The following ADGRL3 variants were observed in gnomAD, a reference collection of about 807,000 sequenced individuals.
ADGRL3 encodes calcium-independent alpha-latrotoxin receptor 3.
In ADGRL3, 62 loss-of-function variants were observed where a neutral mutation model predicts 153.5. The observed-to-expected ratio is 0.40, with a 90% confidence interval of 0.33 to 0.50. The LOEUF (loss-of-function observed/expected upper bound fraction) is 0.50. Ranked by LOEUF, ADGRL3 falls within the 20% of genes least tolerant of loss-of-function variation. The pLI, the probability that ADGRL3 is intolerant of heterozygous loss-of-function variation, is 0.47. For synonymous variants in ADGRL3, 710 were observed against 672.5 expected, an observed-to-expected ratio of 1.06 and a Z score of -0.86; for missense variants, 1,641 against 1,859.4, an observed-to-expected ratio of 0.88 and a Z score of 2.16.
At chr4:61,318,611 G>C (rs2095286719) in intron 1 of ADGRL3, among the ~76,000 whole-genome samples, 1 of 152,114 alleles carries the variant, frequency 6.6e-6, no homozygotes, top group Admixed American at 6.6e-5. Flanking sequence ...CTCTGTGCTA[G>C]AGCCTTAACC....
intron 2 of ADGRL3, among the ~76,000 whole-genome samples, chr4:61,480,745 T>C (rs1460544971): frequency 6.6e-6 from 1 of 152,180 alleles, no homozygotes; most frequent in East Asian, 1.9e-4. Context: ...ATCATGCCAC[T>C]GCACTCCAGC....
intron 5 of ADGRL3, among the ~76,000 whole-genome samples, chr4:61,636,161 C>T (rs1238765689): frequency 1.3e-5 from 2 of 152,096 alleles, no homozygotes; most frequent in Non-Finnish European, 1.5e-5. Flanking sequence ...AAATGATATA[C>T]TTTTTGCTGT....
At chr4:61,388,538 A>C (rs2096766957) in intron 2 of ADGRL3, among the ~76,000 whole-genome samples, 1 of 152,194 alleles carries the variant, frequency 6.6e-6, no homozygotes, top group Non-Finnish European at 1.5e-5. Context: ...GTAGTTCTTT[A>C]ATCCTCTATC....
chr4:61,326,219 T>G (rs1324325330), intron 1 of ADGRL3, among the ~76,000 whole-genome samples: 1 of 152,146 alleles, frequency 6.6e-6, no homozygotes, highest in Non-Finnish European at 1.5e-5. Flanking sequence ...TAGTTACTAT[T>G]TACTAGGTGC....
chr4:61,909,108 A>G lies in ADGRL3; in HGVS notation c.1888-452A>G, dbSNP rs376982999. Among the ~76,000 whole-genome samples, 122 of 152,280 alleles carry G rather than the reference A, an allele frequency of 8.0e-4. 1 individual carries two copies. The highest frequency in any genetic ancestry group is 3.4e-3 in the Middle Eastern group (1 of 294). ...AAAAGCCTGGATTTTATTTCTGTCA[A>G]TTTTCACAGAGCTTAGTAGCTGATG... On this transcript the variant is annotated intron_variant, in intron 11 of 26. Coordinates refer to ENST00000683033, the MANE Select transcript of ADGRL3 (RefSeq NM_001387552.1).
intron 1 of ADGRL3, among the ~76,000 whole-genome samples, chr4:61,255,488 A>G (rs1452857934): frequency 6.6e-6 from 1 of 152,198 alleles, no homozygotes; most frequent in Non-Finnish European, 1.5e-5. Context: ...GAAGCTATAC[A>G]TGTCTGATAT....
chr4:61,905,056 ATAT>A (rs1209882719), intron 11 of ADGRL3, among the ~76,000 whole-genome samples: 1 of 152,184 alleles, frequency 6.6e-6, no homozygotes, highest in Non-Finnish European at 1.5e-5. Flanking sequence ...TTCTACAAAC[ATAT>A]TATTATAAGA....
chr4:61,395,982 C>T lies in ADGRL3; in HGVS notation c.-174+12793C>T, dbSNP rs538395053. Among the ~76,000 whole-genome samples, 207 of 152,066 alleles carry T rather than the reference C, an allele frequency of 1.4e-3. No individual in the cohort carries two copies. In the Middle Eastern group the frequency reaches 0.017, roughly 12 times the overall value. ...AATAATGAATGAATGGAGTCTCCAC[C>T]AAACTAACCAGGTTGTTTTGTTGTT... On this transcript the variant is annotated intron_variant, in intron 2 of 26. Transcript: ENST00000683033.
At chr4:61,835,861 G>T (rs574646390) in intron 9 of ADGRL3, among the ~76,000 whole-genome samples, 22 of 152,296 alleles carry the variant, frequency 1.4e-4, no homozygotes, top group African/African-American at 4.8e-4. Context: ...ACAGCATTGG[G>T]CAGTTTCTAT....
intron 1 of ADGRL3, among the ~76,000 whole-genome samples, chr4:61,350,157 G>A (rs1012920240): frequency 1.3e-5 from 2 of 152,068 alleles, no homozygotes; most frequent in African/African-American, 4.8e-5. Context: ...GCTGATATCA[G>A]TTAGAGAAAA....
chr4:61,457,373 T>G (rs2152559068), intron 2 of ADGRL3, among the ~76,000 whole-genome samples: 1 of 152,068 alleles, frequency 6.6e-6, no homozygotes, highest in African/African-American at 2.4e-5. Flanking sequence ...ATTAAATCAC[T>G]TACCTTTTCA....
chr4:61,547,689 A>G (rs2148745458), intron 4 of ADGRL3, among the ~76,000 whole-genome samples: 1 of 152,200 alleles, frequency 6.6e-6, no homozygotes, highest in African/African-American at 2.4e-5. Context: ...TATCTTTGCT[A>G]CTGTGAATAC....
At chr4:61,654,164 C>A (rs956728295) in intron 5 of ADGRL3, among the ~76,000 whole-genome samples, 3 of 152,080 alleles carry the variant, frequency 2.0e-5, no homozygotes, top group Non-Finnish European at 4.4e-5. Context: ...ATATTATGTA[C>A]CTACTGGTAG....
intron 1 of ADGRL3, among the ~76,000 whole-genome samples, chr4:61,207,764 C>T (rs1737999705): frequency 6.6e-6 from 1 of 152,130 alleles, no homozygotes. Flanking sequence ...GATGGTCTCT[C>T]ATTGTGGTTT....
At chr4:61,691,758 T>G (rs2095543968) in intron 6 of ADGRL3, among the ~76,000 whole-genome samples, 1 of 152,162 alleles carries the variant, frequency 6.6e-6, no homozygotes, top group Admixed American at 6.5e-5. Context: ...TGTAAGCTCT[T>G]GAGATATTCT....
intron 1 of ADGRL3, among the ~76,000 whole-genome samples, chr4:61,346,021 G>C (rs1029829760): frequency 6.6e-6 from 1 of 152,076 alleles, no homozygotes; most frequent in Non-Finnish European, 1.5e-5. Flanking sequence ...TAGTACATTC[G>C]AGGCCCAGCT....
chr4:61,794,607 A>T (rs1262701320), intron 8 of ADGRL3, among the ~76,000 whole-genome samples: 1 of 152,346 alleles, frequency 6.6e-6, no homozygotes, highest in South Asian at 2.1e-4. Flanking sequence ...CCCATTTGAA[A>T]CAAATAAAAG....
At chr4:61,541,729 TG>T (rs1470302040) in intron 4 of ADGRL3, among the ~76,000 whole-genome samples, 1 of 152,136 alleles carries the variant, frequency 6.6e-6, no homozygotes, top group Non-Finnish European at 1.5e-5. Context: ...TGTTCCCTTG[TG>T]GCTCTATGTG....
chr4:61,694,647 T>C (rs899216388), intron 6 of ADGRL3, among the ~76,000 whole-genome samples: 12 of 152,104 alleles, frequency 7.9e-5, no homozygotes, highest in Admixed American at 2.6e-4. Flanking sequence ...TTGCTGAAGG[T>C]TGGAACAGCT....
Sources: gnomAD v4.1 joint callset for allele counts (sites outside exome capture counted in the v4.1 genomes callset) on GRCh38, gnomAD v4.1.1 for gene constraint, MANE v1.5 for transcripts, NCBI Gene and HGNC (gene_info 2026-07-23, HGNC 2026-07-21) for gene names.